PPFIA1: variants seen among roughly 807,000 people sequenced by gnomAD.
PPFIA1 encodes liprin-alpha-1.
A neutral mutation model predicts 149.9 loss-of-function variants in PPFIA1; 25 were observed. The observed-to-expected ratio is 0.17, with a 90% CI of 0.12 to 0.23. The LOEUF is 0.23. PPFIA1 is among the 10% of genes least tolerant of loss of function. The probability of loss-of-function intolerance (pLI) is 1.00; values close to 1 mark genes in which losing one functional copy is unlikely to be tolerated. For missense variants in PPFIA1, 1,362 were observed against 1,506.5 expected (o/e 0.90, Z 1.59); for synonymous variants, 549 against 552.8 (o/e 0.99, Z 0.10).
At chr11:70,314,320 T>G (rs1241983573) in intron 2 of PPFIA1, among the ~76,000 whole-genome samples, 1 of 151,798 alleles carries the variant, frequency 6.6e-6, no homozygotes, top group Non-Finnish European at 1.5e-5. Flanking sequence ...CAGTGGTGAG[T>G]AAGGGGCCAG....
At chr11:70,314,953 G>A (rs2053509194) in intron 2 of PPFIA1, among the ~76,000 whole-genome samples, 2 of 152,114 alleles carry the variant, frequency 1.3e-5, no homozygotes, top group South Asian at 4.1e-4. Context: ...TTTTTCACTG[G>A]GCGGCAGGAC....
intron 2 of PPFIA1, among the ~76,000 whole-genome samples, chr11:70,298,139 C>T (rs562033464): frequency 4.7e-4 from 72 of 152,314 alleles, no homozygotes; most frequent in African/African-American, 1.7e-3. Context: ...GTTTGGGTTT[C>T]CTTCCTTCCG....
chr11:70,332,194 A>C, intron 9 of PPFIA1, 100 bp downstream of exon 9: 3 of 1,380,676 alleles, frequency 2.2e-6, no homozygotes, highest in Admixed American at 2.7e-5. Flanking sequence ...CAGCACCTAA[A>C]TCCGTGGAAG....
At chr11:70,272,089 A>G in intron 1 of PPFIA1, 84 bp from the exon 2 acceptor site, 1 of 1,415,348 alleles carries the variant, frequency 7.1e-7, no homozygotes, top group Non-Finnish European at 9.7e-7. Context: ...CCATCTTTTT[A>G]GCTACAGATA....
intron 2 of PPFIA1, chr11:70,279,318 A>C: frequency 4.4e-6 from 1 of 225,392 alleles, no homozygotes; most frequent in Non-Finnish European, 8.7e-6. Context: ...GCTGAAGCTC[A>C]AACAGGCAAG....
chr11:70,283,594 C>T (rs1196138823), intron 2 of PPFIA1, among the ~76,000 whole-genome samples: 1 of 152,114 alleles, frequency 6.6e-6, no homozygotes, highest in Non-Finnish European at 1.5e-5. Flanking sequence ...CGAGAGGGTG[C>T]AAGACAGCCC....
intron 14 of PPFIA1, among the ~76,000 whole-genome samples, chr11:70,339,846 C>T (rs1312512022): frequency 6.6e-6 from 1 of 152,056 alleles, no homozygotes; most frequent in Non-Finnish European, 1.5e-5. Context: ...GAAACCCCGT[C>T]TCTACTAAAA....
chr11:70,350,734 A>G (rs959381469), intron 16 of PPFIA1, among the ~76,000 whole-genome samples: 7 of 152,188 alleles, frequency 4.6e-5, no homozygotes, highest in Non-Finnish European at 8.8e-5. Context: ...TATTATATAG[A>G]ATGCCATATT....
rs2055493782 is a variant in PPFIA1 at position 70,343,671 on chromosome 11, A to G, written c.1710A>G (p.Val570=). The change falls in exon 15 of 28, where the codon GTA becomes GTG. Residue 570 remains valine, a splice_region_variant and synonymous_variant. Coordinates refer to ENST00000253925, the MANE Select transcript of PPFIA1 (RefSeq NM_003626.5). ...LAALRDEPSK[V]QTLNEQDWER... ...AGATTTGGTTTTCTTGTTTATAGGT[A>G]CAAACTCTTAATGAGCAGGATTGGG... is the stretch of plus-strand genomic sequence containing the variant. 3.7e-6 allele frequency: 6 copies of G among 1,613,950 alleles called. No individual in the cohort carries two copies. Among genetic ancestry groups the G allele is most frequent in the Admixed American group, 1.7e-5 (1 of 60,008 alleles).
chr11:70,294,275 G>A (rs2051737887), intron 2 of PPFIA1, among the ~76,000 whole-genome samples: 1 of 152,088 alleles, frequency 6.6e-6, no homozygotes, highest in African/African-American at 2.4e-5. Flanking sequence ...TGTAGAGAAA[G>A]GTAAACTTTG....
intron 2 of PPFIA1, among the ~76,000 whole-genome samples, chr11:70,306,268 A>G (rs1400168962): frequency 6.6e-6 from 1 of 152,166 alleles, no homozygotes; most frequent in Non-Finnish European, 1.5e-5. Context: ...TAAATTGTAA[A>G]CGTATAGGGG....
At chr11:70,283,218 G>C (rs1050196431) in intron 2 of PPFIA1, among the ~76,000 whole-genome samples, 3 of 151,328 alleles carry the variant, frequency 2.0e-5, no homozygotes, top group African/African-American at 7.3e-5. Flanking sequence ...TAAAGTTTCA[G>C]TTGCATTTTC....
chr11:70,376,201 C>G (rs1023082854), intron 24 of PPFIA1, among the ~76,000 whole-genome samples: 1 of 152,138 alleles, frequency 6.6e-6, no homozygotes, highest in Admixed American at 6.5e-5. Context: ...GTTGGCCAAG[C>G]TGGTCTCAAA....
intron 12 of PPFIA1, 57 bp downstream of exon 12, chr11:70,337,484 T>C (rs1404931219): frequency 1.5e-6 from 2 of 1,317,212 alleles, no homozygotes; most frequent in South Asian, 1.4e-5. Context: ...TTGATGATGA[T>C]GATAGTTACT....
intron 16 of PPFIA1, among the ~76,000 whole-genome samples, chr11:70,350,748 A>C (rs1170493375): frequency 6.6e-6 from 1 of 152,200 alleles, no homozygotes; most frequent in Non-Finnish European, 1.5e-5. Flanking sequence ...CCATATTTTA[A>C]TAAAACACAT....
chr11:70,315,465 T>G (rs1391649120), intron 2 of PPFIA1, among the ~76,000 whole-genome samples: 1 of 152,090 alleles, frequency 6.6e-6, no homozygotes, highest in African/African-American at 2.4e-5. Context: ...CAAAACATGA[T>G]TTGCTCATTC....
intron 2 of PPFIA1, among the ~76,000 whole-genome samples, chr11:70,300,398 C>T (rs2052404269): frequency 6.6e-6 from 1 of 152,098 alleles, no homozygotes. Flanking sequence ...GAGACGGAGT[C>T]TTTCTCCATC....
intron 19 of PPFIA1, among the ~76,000 whole-genome samples, chr11:70,360,169 T>C (rs368619526): frequency 1.2e-3 from 182 of 152,386 alleles, no homozygotes; most frequent in Middle Eastern, 3.4e-3. Flanking sequence ...TCCACTGTCT[T>C]AACACTGTTT....
rs2050139342 is a variant in PPFIA1, at chr11:70,272,302, C to T, written c.130C>T (p.Leu44=). The T allele has an allele frequency of 1.2e-6, 2 of 1,614,160 alleles. No homozygotes were observed. Among genetic ancestry groups the T allele is most frequent in the African/African-American group, 2.7e-5 (2 of 75,046 alleles). The change falls in exon 2 of 28, where the codon CTA becomes TTA. Residue 44 remains leucine, a synonymous_variant. Coordinates refer to ENST00000253925, the MANE Select transcript of PPFIA1 (RefSeq NM_003626.5). ...TTTTGAACAGTTGATGGTCTCCATG[C>T]TAGAAGAAAGGGACCGCCTTCTTGA... ...SHFEQLMVSM[L]EERDRLLDTL...
Sources: allele counts gnomAD v4.1 joint callset (sites outside exome capture counted in the v4.1 genomes callset), GRCh38; gene constraint gnomAD v4.1.1; transcripts MANE v1.5; gene names NCBI Gene and HGNC (gene_info 2026-07-23, HGNC 2026-07-21).